Variants in XRCC2 observed in about 807,000 individuals in gnomAD.
The protein encoded by XRCC2 is X-ray repair cross complementing 2.
In XRCC2, 24 loss-of-function variants were observed where a neutral mutation model predicts 27.3. The ratio of observed to expected loss-of-function variants is 0.88; its 90% CI spans 0.64 to 1.24. XRCC2 has a LOEUF of 1.24. Among genes scored for constraint, XRCC2 ranks in the 50% most tolerant of loss-of-function variants. XRCC2 has a pLI of 0.00. For missense variants in XRCC2, 321 were observed against 325.8 expected (o/e 0.99, Z 0.11); for synonymous variants, 106 against 115.4 (o/e 0.92, Z 0.52).
At chr7:152,671,180 A>G (rs1311322454) in intron 1 of XRCC2, among the ~76,000 whole-genome samples, 2 of 152,150 alleles carry the variant, frequency 1.3e-5, no homozygotes, top group Non-Finnish European at 2.9e-5. Context: ...ATGCCCCTGC[A>G]CTCCAGCCTG....
chr7:152,660,725 CA>C lies in XRCC2; in HGVS notation c.96del (p.Phe32LeufsTer30), dbSNP rs730882048. 4.9e-5 allele frequency: 79 copies of C among 1,613,350 alleles called. No homozygotes were observed. Among genetic ancestry groups the C allele is most frequent in the Non-Finnish European group, 6.4e-5 (76 of 1,179,872 alleles). ...SSLKEIEPNL[F>X]ADEDSPVHGD... The stretch of plus-strand genomic sequence containing the variant: ...CCATGCACAGGTGAATCTTCATCAG[CA>C]AACAGATTTGGTTCTATTTCTTTCA... On this transcript the variant is annotated frameshift_variant, in exon 2 of 3. Transcript: ENST00000359321. LOFTEE classifies it high-confidence loss of function.
intron 1 of XRCC2, among the ~76,000 whole-genome samples, chr7:152,667,988 A>G (rs1464234082): frequency 1.3e-5 from 2 of 150,842 alleles, no homozygotes; most frequent in Non-Finnish European, 2.9e-5. Flanking sequence ...AGATCACACC[A>G]CTGCACTCTA....
At position 152,646,916 on chromosome 7, in the gene XRCC2, T is replaced by A. The variant is rs2098026219; in HGVS notation, c.*1726A>T. On this transcript the variant is annotated 3_prime_UTR_variant, in exon 3 of 3. Transcript: ENST00000359321. ...CTTTATAACAATGATTTCTATTCCTTTGGGTATATACCCAGTAATGAGATT... is the reference window on the plus strand; with the variant it reads ...CTTTATAACAATGATTTCTATTCCTATGGGTATATACCCAGTAATGAGATT... 1 of 152,220 alleles carries A rather than the reference T, an allele frequency of 6.6e-6. No homozygotes were observed. The highest frequency in any genetic ancestry group is 1.5e-5 in the Non-Finnish European group (1 of 68,040). The allele number at this position is 152,220 out of a possible 1,614,324, so 9.4% of individuals were successfully genotyped here.
intron 1 of XRCC2, among the ~76,000 whole-genome samples, chr7:152,667,234 CCT>C (rs1388670609): frequency 1.3e-5 from 2 of 151,138 alleles, no homozygotes; most frequent in Non-Finnish European, 2.9e-5. Flanking sequence ...ATGGTGAAAC[CCT>C]GTCTCTACTA....
chr7:152,673,762 G>A (rs2098039184), intron 1 of XRCC2, among the ~76,000 whole-genome samples: 1 of 152,076 alleles, frequency 6.6e-6, no homozygotes, highest in South Asian at 2.1e-4. Context: ...TGTAGTCCCA[G>A]CTACTCGGGA....
chr7:152,660,795 G>A lies in XRCC2; in HGVS notation c.40-13C>T, dbSNP rs730882045. Reference sequence around the variant, plus strand: ...GTCGGGCAAGGAGCTTATAAAAGAAGAGAGAAGGAAAACTCATTATTTAAA... The same window carrying A: ...GTCGGGCAAGGAGCTTATAAAAGAAAAGAGAAGGAAAACTCATTATTTAAA... On this transcript the variant is annotated splice_polypyrimidine_tract_variant and intron_variant, in intron 1 of 2. Transcript: ENST00000359321. The A allele has an allele frequency of 6.3e-7, 1 of 1,589,960 alleles. No individual in the cohort carries two copies. The highest frequency in any genetic ancestry group is 1.4e-5 in the African/African-American group (1 of 73,776).
At position 152,648,413 on chromosome 7, in the gene XRCC2, GA is replaced by G. The variant is rs10707642; in HGVS notation, c.*228del. On this transcript the variant is annotated 3_prime_UTR_variant, in exon 3 of 3. Coordinates refer to ENST00000359321, the MANE Select transcript of XRCC2 (RefSeq NM_005431.2). ...AGACAGAGTAAGACTGTTTCAAAAAGAAAAAAAAAAAAAAAGAAAACTTTTG... is the reference window on the plus strand; with the variant it reads ...AGACAGAGTAAGACTGTTTCAAAAAGAAAAAAAAAAAAAAGAAAACTTTTG... 149,274 of 259,530 alleles carry G rather than the reference GA, an allele frequency of 0.58. 34,225 individuals are homozygous for G. Among genetic ancestry groups the G allele is most frequent in the African/African-American group, 0.75 (31,285 of 41,720 alleles). The allele number at this position is 259,530 out of a possible 1,614,324, so 16.1% of individuals were successfully genotyped here.
In XRCC2 at chr7:152,648,579, C is replaced by T. The variant is rs1260755832; in HGVS notation, c.*63G>A. On this transcript the variant is annotated 3_prime_UTR_variant, in exon 3 of 3. Transcript: ENST00000359321. ...CCAGCCTGGGAGACAGAGCAAGACT[C>T]TGTCTTAAGAAAAATTTTAAGGCTT... 30 of 1,501,882 alleles carry T rather than the reference C, an allele frequency of 2.0e-5. No homozygotes were observed. Among genetic ancestry groups the T allele is most frequent in the Non-Finnish European group, 2.7e-5 (30 of 1,131,944 alleles). The allele number at this position is 1,501,882 out of a possible 1,614,324, so 93.0% of individuals were successfully genotyped here.
At chr7:152,672,337 A>T (rs1346470655) in intron 1 of XRCC2, among the ~76,000 whole-genome samples, 1 of 152,224 alleles carries the variant, frequency 6.6e-6, no homozygotes, top group Non-Finnish European at 1.5e-5. Context: ...GAAACATTAA[A>T]TATTTGTCTT....
Position 152,648,971 on chromosome 7 carries a change from T to G in XRCC2, c.514A>C (p.Thr172Pro), listed in dbSNP as rs2116987648. 1 of 1,614,196 alleles carries G rather than the reference T, an allele frequency of 6.2e-7. No individual in the cohort carries two copies. Among genetic ancestry groups the G allele is most frequent in the East Asian group, 2.2e-5 (1 of 44,884 alleles). Residue 172 changes from threonine (T) to proline (P), a missense_variant, in exon 3 of 3, where the codon ACT (threonine) becomes CCT (proline). Physicochemically the swap from Thr to Pro is conservative, Grantham distance 38. Coordinates refer to ENST00000359321, the MANE Select transcript of XRCC2 (RefSeq NM_005431.2). ...AAGCACTGAGAACATTTCCTCAGAG[T>G]AGACTCCTGTAAGTTCACACTTTCT... ...GGESVNLQES[T>P]LRKCSQCLEK...
At chr7:152,675,964 C>G in intron 1 of XRCC2, 77 bp downstream of exon 1, 1 of 1,597,982 alleles carries the variant, frequency 6.3e-7, no homozygotes, top group Non-Finnish European at 8.6e-7. Context: ...CTCCCAATCC[C>G]CCGGGTTCCC....
intron 1 of XRCC2, among the ~76,000 whole-genome samples, chr7:152,663,757 T>C (rs1034103959): frequency 2.0e-5 from 3 of 152,056 alleles, no homozygotes; most frequent in Non-Finnish European, 4.4e-5. Flanking sequence ...AAGAATCGCT[T>C]GAGTCCAGGA....
At chr7:152,665,487 C>CTTTTT (rs66692067) in intron 1 of XRCC2, among the ~76,000 whole-genome samples, 3,742 of 84,144 alleles carry the variant, frequency 0.044, 387 homozygotes, top group East Asian at 0.1. Flanking sequence ...TAAGACAAAC[C>CTTTTT]TTTTTTTTTT....
At position 152,648,636 on chromosome 7, in the gene XRCC2, T is replaced by G; in HGVS notation, c.*6A>C. 6.3e-7 allele frequency: 1 copy of G among 1,585,818 alleles called. No individual in the cohort carries two copies. The highest frequency in any genetic ancestry group is 1.3e-5 in the African/African-American group (1 of 74,154). Reference sequence around the variant, plus strand: ...TACCCTGCAAAAGACTATTTTATGATGTATATCAACAAAATTCAACCCCAC... The same window carrying G: ...TACCCTGCAAAAGACTATTTTATGAGGTATATCAACAAAATTCAACCCCAC... On this transcript the variant is annotated 3_prime_UTR_variant, in exon 3 of 3. Transcript: ENST00000359321.
intron 2 of XRCC2, among the ~76,000 whole-genome samples, 165 bp downstream of exon 2, chr7:152,660,536 T>C (rs1219997570): frequency 6.6e-6 from 1 of 152,264 alleles, no homozygotes; most frequent in East Asian, 1.9e-4. Context: ...CTGACACCGA[T>C]GAGGAAAGCT....
intron 1 of XRCC2, among the ~76,000 whole-genome samples, chr7:152,673,116 G>A (rs539716780): frequency 1.3e-5 from 2 of 152,212 alleles, no homozygotes; most frequent in Non-Finnish European, 2.9e-5. Flanking sequence ...TTTAAATCAA[G>A]GGCACATATG....
At chr7:152,670,909 C>A (rs2098037904) in intron 1 of XRCC2, among the ~76,000 whole-genome samples, 1 of 151,912 alleles carries the variant, frequency 6.6e-6, no homozygotes, top group South Asian at 2.1e-4. Flanking sequence ...TGTTTTTAAA[C>A]ATCATTTAGA....
chr7:152,648,800 T>C lies in XRCC2; in HGVS notation c.685A>G (p.Lys229Glu). The C allele has an allele frequency of 6.2e-7, 1 of 1,614,212 alleles. No homozygotes were observed. Among genetic ancestry groups the C allele is most frequent in the Non-Finnish European group, 8.5e-7 (1 of 1,180,044 alleles). Reference sequence around the variant, plus strand: ...TGCTTCACCAGTTGCTGCCATGCCTTACAGAGATAAGGTCTGTAGTCTATG... The same window carrying C: ...TGCTTCACCAGTTGCTGCCATGCCTCACAGAGATAAGGTCTGTAGTCTATG... ...VDIDYRPYLCKAWQQLVKHRM... is the reference protein window; with the variant it reads ...VDIDYRPYLCEAWQQLVKHRM... Residue 229 changes from lysine (K) to glutamate (E), a missense_variant, in exon 3 of 3, where the codon AAG becomes GAG. By Grantham distance (56) the Lys-to-Glu change is moderately conservative (BLOSUM62 1). Transcript: ENST00000359321.
intron 1 of XRCC2, among the ~76,000 whole-genome samples, chr7:152,667,405 CAAAAAAAAAA>C (rs60136474): frequency 0.13 from 10,001 of 75,888 alleles, 494 homozygotes; most frequent in Middle Eastern, 0.22. Context: ...AACTCCGTCT[CAAAAAAAAAA>C]AAAAAAAAAA....
Sources: allele counts gnomAD v4.1 joint callset (sites outside exome capture counted in the v4.1 genomes callset), GRCh38; gene constraint gnomAD v4.1.1; transcripts MANE v1.5; gene names NCBI Gene and HGNC (gene_info 2026-07-23, HGNC 2026-07-21).